Variants in TBC1D5 observed in about 807,000 individuals in gnomAD.
The protein encoded by TBC1D5 is TBC1 domain family, member 5.
Under a neutral mutation model 100.3 loss-of-function variants are expected in TBC1D5, and 75 were observed. The observed-to-expected ratio is 0.75, with a 90% CI of 0.62 to 0.91. The LOEUF is 0.91. Ranked by LOEUF, TBC1D5 falls within the 40% of genes least tolerant of loss-of-function variation. The probability of loss-of-function intolerance (pLI) is 0.00; values close to 1 mark genes in which losing one functional copy is unlikely to be tolerated. For missense variants in TBC1D5, 910 were observed against 942.4 expected (o/e 0.97, Z 0.45); for synonymous variants, 323 against 325.6 (o/e 0.99, Z 0.09).
intron 3 of TBC1D5, among the ~76,000 whole-genome samples, chr3:17,452,086 C>T (rs745513109): frequency 4.6e-5 from 7 of 151,868 alleles, no homozygotes; most frequent in South Asian, 4.2e-4. Context: ...TGTTAAGTTG[C>T]TATCAGTTTA....
intron 2 of TBC1D5, among the ~76,000 whole-genome samples, chr3:17,553,758 T>C (rs953394790): frequency 2.0e-5 from 3 of 152,238 alleles, no homozygotes; most frequent in Admixed American, 1.3e-4. Flanking sequence ...ACATGTATCA[T>C]GTTAACAATT....
intron 2 of TBC1D5, among the ~76,000 whole-genome samples, chr3:17,532,346 G>A (rs1352873463): frequency 6.6e-6 from 1 of 152,214 alleles, no homozygotes; most frequent in Non-Finnish European, 1.5e-5. Context: ...ACAGGTGCTG[G>A]AGAGGATGTA....
At position 17,251,451 on chromosome 3, in the gene TBC1D5, T is replaced by C. The variant is rs555295406; in HGVS notation, c.1331+7055A>G. Among the ~76,000 whole-genome samples the C allele has an allele frequency of 1.2e-3, 157 of 127,090 alleles. 1 individual carries two copies. Among genetic ancestry groups the C allele is most frequent in the African/African-American group, 4.3e-3 (151 of 35,452 alleles). 83.4% of individuals were successfully genotyped at this position (127,090 alleles called of 152,430 possible). ...CCCCCCCCCCCCCAGTAGAAGCGAT[T>C]AGAAGTGGAGGTTAGACAAGAGACA... On this transcript the variant is annotated intron_variant, in intron 16 of 21. Transcript: ENST00000253692.
chr3:17,705,995 T>TTTTA, intron 1 of TBC1D5: 2 of 1,466,956 alleles, frequency 1.4e-6, no homozygotes, highest in South Asian at 1.3e-5. Flanking sequence ...TTTTTTTTTT[T>TTTTA]GAGACGGAGT....
At chr3:17,613,271 A>T (rs889728598) in intron 2 of TBC1D5, among the ~76,000 whole-genome samples, 2 of 152,158 alleles carry the variant, frequency 1.3e-5, no homozygotes, top group Admixed American at 6.5e-5. Context: ...ACATTTTCTT[A>T]ATACAGTCTA....
intron 16 of TBC1D5, among the ~76,000 whole-genome samples, chr3:17,244,155 A>T (rs2076536874): frequency 6.6e-6 from 1 of 152,210 alleles, no homozygotes; most frequent in Non-Finnish European, 1.5e-5. Context: ...TTACAAAAGT[A>T]AGGGCTCCAA....
At chr3:17,270,886 G>A (rs1375376818) in intron 15 of TBC1D5, among the ~76,000 whole-genome samples, 1 of 152,066 alleles carries the variant, frequency 6.6e-6, no homozygotes, top group Non-Finnish European at 1.5e-5. Flanking sequence ...TTTCCCCATT[G>A]CTTATTTTTG....
chr3:17,598,017 C>A (rs1375592625), intron 2 of TBC1D5, among the ~76,000 whole-genome samples: 1 of 145,534 alleles, frequency 6.9e-6, no homozygotes, highest in Non-Finnish European at 1.5e-5. Context: ...CGCCCCCCAA[C>A]CCCAGCCCAT....
intron 3 of TBC1D5, among the ~76,000 whole-genome samples, chr3:17,436,247 T>C (rs2094533221): frequency 6.6e-6 from 1 of 152,150 alleles, no homozygotes; most frequent in Admixed American, 6.5e-5. Context: ...ATCTGTAAAA[T>C]GGAGAAAACA....
In TBC1D5 at chr3:17,354,400, T is replaced by C. The variant is rs536963635; in HGVS notation, c.995+17675A>G. ...TCTAGGTATAAACCCCTGTATACTT[T>C]ACACCTTCTTTTAAATGCTTAATAT... On this transcript the variant is annotated intron_variant, in intron 13 of 21. Transcript: ENST00000253692. Among the ~76,000 whole-genome samples the C allele has an allele frequency of 1.1e-4, 16 of 152,272 alleles. No homozygotes were observed. The Middle Eastern group carries it at 0.01, about 97-fold the overall frequency.
At chr3:17,507,341 TAAC>T (rs2095855090) in intron 3 of TBC1D5, among the ~76,000 whole-genome samples, 1 of 152,140 alleles carries the variant, frequency 6.6e-6, no homozygotes, top group African/African-American at 2.4e-5. Flanking sequence ...AGTTCTTATT[TAAC>T]AAAAAATATA....
intron 2 of TBC1D5, among the ~76,000 whole-genome samples, chr3:17,556,297 C>T (rs2096520079): frequency 6.6e-6 from 1 of 152,200 alleles, no homozygotes; most frequent in Non-Finnish European, 1.5e-5. Flanking sequence ...GGATTACAGG[C>T]ATGAGCCACC....
intron 13 of TBC1D5, among the ~76,000 whole-genome samples, chr3:17,347,342 T>C (rs2090027863): frequency 6.6e-6 from 1 of 152,208 alleles, no homozygotes; most frequent in African/African-American, 2.4e-5. Flanking sequence ...TTTGGTTTAG[T>C]CTGTCTTAAT....
rs1006891852 is a variant in TBC1D5 at position 17,238,611 on chromosome 3, T to C, written c.1332-192A>G. On this transcript the variant is annotated intron_variant, in intron 16 of 21. Coordinates refer to ENST00000253692, the Ensembl canonical transcript of TBC1D5. ...ATGAGTTTCTTAAAAACATAGCTTA[T>C]GGAAAACAGTCTTATTTACATTTCA... Among the ~76,000 whole-genome samples the C allele has an allele frequency of 2.2e-4, 34 of 152,220 alleles. 1 individual carries two copies. Among genetic ancestry groups the C allele is most frequent in the Non-Finnish European group, 2.9e-4 (20 of 68,042 alleles).
intron 3 of TBC1D5, among the ~76,000 whole-genome samples, chr3:17,431,557 A>G (rs1358892555): frequency 6.6e-6 from 1 of 152,028 alleles, no homozygotes; most frequent in Non-Finnish European, 1.5e-5. Context: ...ACATATATCT[A>G]TAAGAACAAT....
chr3:17,329,819 G>T (rs561872060), intron 13 of TBC1D5, among the ~76,000 whole-genome samples: 1 of 152,230 alleles, frequency 6.6e-6, no homozygotes, highest in South Asian at 2.1e-4. Flanking sequence ...ATAAGAACTA[G>T]TACTTTGGAT....
intron 1 of TBC1D5, among the ~76,000 whole-genome samples, chr3:17,717,453 A>G (rs567619320): frequency 6.6e-6 from 1 of 152,206 alleles, no homozygotes; most frequent in Non-Finnish European, 1.5e-5. Flanking sequence ...CAAAAAGTTC[A>G]TTAGTAATTA....
intron 2 of TBC1D5, among the ~76,000 whole-genome samples, chr3:17,584,005 AG>A (rs2096717279): frequency 6.6e-6 from 1 of 152,222 alleles, no homozygotes; most frequent in African/African-American, 2.4e-5. Flanking sequence ...CATTCAGCCA[AG>A]AAAAGTAATG....
intron 18 of TBC1D5, among the ~76,000 whole-genome samples, chr3:17,188,385 C>T (rs2069420597): frequency 6.6e-6 from 1 of 152,090 alleles, no homozygotes; most frequent in South Asian, 2.1e-4. Flanking sequence ...ATCTGTTTGT[C>T]TCAATATAAA....
Sources: allele counts gnomAD v4.1 joint callset (sites outside exome capture counted in the v4.1 genomes callset), GRCh38; gene constraint gnomAD v4.1.1; transcripts MANE v1.5; gene names NCBI Gene and HGNC (gene_info 2026-07-23, HGNC 2026-07-21).